Variants in SPTBN5 observed in about 807,000 individuals in gnomAD.
SPTBN5 encodes the protein spectrin beta, non-erythrocytic 5.
A neutral mutation model predicts 477.6 loss-of-function variants in SPTBN5; 513 were observed. The observed-to-expected ratio is 1.07, with a 90% CI of 1.00 to 1.16. The LOEUF (loss-of-function observed/expected upper bound fraction) is 1.16. Ranked by LOEUF, SPTBN5 falls within the 50% of genes most tolerant of loss-of-function variation. The pLI, the probability that SPTBN5 is intolerant of heterozygous loss-of-function variation, is 0.00. For missense variants in SPTBN5, 5,062 were observed against 4,731.8 expected (o/e 1.07, Z -2.05); for synonymous variants, 2,169 against 2,011.7 (o/e 1.08, Z -2.09).
At position 41,860,674 on chromosome 15, in the gene SPTBN5, C is replaced by A; in HGVS notation, c.7900G>T (p.Ala2634Ser). The change falls in exon 47 of 68, where the codon GCT becomes TCT. Residue 2634 changes from alanine (A) to serine (S), a missense_variant. By Grantham distance (99) the Ala-to-Ser change is moderately conservative. Transcript: ENST00000320955. ...DLEVQAGKIS[A>S]LEATARGLHQ... Reference sequence around the variant, plus strand: ...AGGCCGCGGGCCGTGGCCTCCAGAGCACTGATCTTTCCCGCCTGCACCTCC... The same window carrying A: ...AGGCCGCGGGCCGTGGCCTCCAGAGAACTGATCTTTCCCGCCTGCACCTCC... 6.3e-7 allele frequency: 1 copy of A among 1,583,612 alleles called. No homozygotes were observed. The highest frequency in any genetic ancestry group is 8.6e-7 in the Non-Finnish European group (1 of 1,165,452).
chr15:41,866,817 T>C (rs1484215295), intron 36 of SPTBN5, 142 bp downstream of exon 36: 5 of 1,142,540 alleles, frequency 4.4e-6, no homozygotes, highest in Non-Finnish European at 6.0e-6. Flanking sequence ...TTAGATCCCA[T>C]GTTCTGGGCT....
chr15:41,882,010 G>T lies in SPTBN5; in HGVS notation c.2383C>A (p.Arg795Ser), dbSNP rs1337017785. ...CGCCGCAGCTCGGCCGCGAAGGCGC[G>T]CAGGACGCGCTCCAGCCGCACGTGG... is the stretch of plus-strand genomic sequence containing the variant. ...RRHVRLERVLRAFAAELRRLE... is the reference protein window; with the variant it reads ...RRHVRLERVLSAFAAELRRLE... The change falls in exon 12 of 68, where the codon CGC becomes AGC. Residue 795 changes from arginine to serine, a missense_variant. Physicochemically the swap from Arg to Ser is moderately radical, Grantham distance 110 (BLOSUM62 -1). Coordinates refer to ENST00000320955, the MANE Select transcript of SPTBN5 (RefSeq NM_016642.4). The T allele has an allele frequency of 6.5e-7, 1 of 1,537,108 alleles. No homozygotes were observed. Among genetic ancestry groups the T allele is most frequent in the Admixed American group, 1.9e-5 (1 of 52,076 alleles).
rs1368032553 is a variant in SPTBN5 at position 41,876,922 on chromosome 15, C to G, written c.3738G>C (p.Leu1246=). The part of the protein sequence containing the change: ...LGEDVREALS[L]LQQHREFGRL... ...GCCCAAACTCCCGGTGCTGCTGCAG[C>G]AGGCTCAGGGCCTCCCTCACGTCCT... is the stretch of plus-strand genomic sequence containing the variant. Residue 1246 remains leucine (L), a synonymous_variant, in exon 19 of 68, where the codon CTG becomes CTC. Transcript: ENST00000320955. 1 of 1,609,690 alleles carries G rather than the reference C, an allele frequency of 6.2e-7. No homozygotes were observed. Among genetic ancestry groups the G allele is most frequent in the Non-Finnish European group, 8.5e-7 (1 of 1,179,308 alleles).
In SPTBN5 at chr15:41,855,300, A is replaced by G. The variant is rs1262856424; in HGVS notation, c.9347T>C (p.Leu3116Pro). 4 of 1,611,652 alleles carry G rather than the reference A, an allele frequency of 2.5e-6. No homozygotes were observed. The change falls in exon 55 of 68, where the codon CTC becomes CCC. Residue 3116 changes from leucine to proline, a missense_variant. Transcript: ENST00000320955. Reference sequence around the variant, plus strand: ...CTTGGTGGTCAGCCAGGCGTCGAGGAGCAGGGTCTCTCGCTCCAGCTGGTG... The same window carrying G: ...CTTGGTGGTCAGCCAGGCGTCGAGGGGCAGGGTCTCTCGCTCCAGCTGGTG... ...QLHQLERETL[L>P]LDAWLTTKAA...
In SPTBN5 at chr15:41,886,002, A is replaced by G; in HGVS notation, c.1253T>C (p.Leu418Pro). Residue 418 changes from leucine to proline, a missense_variant, in exon 7 of 68, where the codon CTA becomes CCA. Leu to Pro is a moderately conservative substitution (Grantham distance 98, BLOSUM62 -3). Transcript: ENST00000320955. ...AARSQALQQR[L>P]LQLQRLETLA... is the part of the protein sequence containing the mutation. ...GGTTTCTAGCCGCTGCAGCTGCAGT[A>G]GCCTCTGCTGCAGGGCCTGGCTCCT... 6.4e-7 allele frequency: 1 copy of G among 1,551,822 alleles called. No individual in the cohort carries two copies. Among genetic ancestry groups the G allele is most frequent in the Non-Finnish European group, 8.7e-7 (1 of 1,149,876 alleles).
Position 41,868,181 on chromosome 15 carries a change from T to C in SPTBN5, c.6095A>G (p.Asp2032Gly). 25 of 1,583,186 alleles carry C rather than the reference T, an allele frequency of 1.6e-5. No individual in the cohort carries two copies. Among genetic ancestry groups the C allele is most frequent in the Non-Finnish European group, 2.1e-5 (25 of 1,164,966 alleles). Residue 2032 changes from aspartate (D) to glycine (G), a missense_variant, in exon 34 of 68, where the codon GAC becomes GGC. Transcript: ENST00000320955. ...EELRALQDQR[D>G]QVYQTWARKQ... ...CCGTGCCCAGGTCTGATACACCTGGTCCCGCTGGTCCTGCAGGGCTCGAAG... is the reference window on the plus strand; with the variant it reads ...CCGTGCCCAGGTCTGATACACCTGGCCCCGCTGGTCCTGCAGGGCTCGAAG...
Position 41,861,447 on chromosome 15 carries a change from T to C in SPTBN5, c.7787A>G (p.Glu2596Gly). The change falls in exon 46 of 68, where the codon GAA (glutamate) becomes GGA (glycine). Residue 2596 changes from glutamate to glycine, a missense_variant. By Grantham distance (98) the Glu-to-Gly change is moderately conservative (BLOSUM62 -2). Coordinates refer to ENST00000320955, the MANE Select transcript of SPTBN5 (RefSeq NM_016642.4). ...EKMERWLCSK[E>G]DSLASEGLWD... ...TAGACCCTCACTGGCTAGGGAGTCTTCCTTGCTGCAAAGCCAACGTTCCAT... is the reference window on the plus strand; with the variant it reads ...TAGACCCTCACTGGCTAGGGAGTCTCCCTTGCTGCAAAGCCAACGTTCCAT... 1 of 1,613,654 alleles carries C rather than the reference T, an allele frequency of 6.2e-7. No individual in the cohort carries two copies. The highest frequency in any genetic ancestry group is 1.3e-5 in the African/African-American group (1 of 75,052).
rs776026055 is a variant in SPTBN5 at position 41,881,895 on chromosome 15, A to G, written c.2457+41T>C. Reference sequence around the variant, plus strand: ...CCTCTGTGTGGCCCAGCCGCGGTGGAGCAAGGGAGACCAGGCGCCCTTCCC... The same window carrying G: ...CCTCTGTGTGGCCCAGCCGCGGTGGGGCAAGGGAGACCAGGCGCCCTTCCC... On this transcript the variant is annotated intron_variant, in intron 12 of 67. Transcript: ENST00000320955. 2.0e-5 allele frequency: 30 copies of G among 1,494,348 alleles called. No individual in the cohort carries two copies. In the Middle Eastern group the frequency reaches 7.0e-4, roughly 35 times the overall value. The allele number at this position is 1,494,348 out of a possible 1,614,324, so 92.6% of individuals were successfully genotyped here.
chr15:41,888,302 T>G (rs1323721676), intron 4 of SPTBN5, among the ~76,000 whole-genome samples: 1 of 152,152 alleles, frequency 6.6e-6, no homozygotes, highest in African/African-American at 2.4e-5. Context: ...TCCAAAGAAG[T>G]GGAGCAAGGG....
In SPTBN5 at chr15:41,879,374, A is replaced by C; in HGVS notation, c.3068T>G (p.Leu1023Arg). ...TGAGCTCCCTGGCTGCAGGGCCTCC[A>C]GCTGGAGGAGCACGTCTCGCAGCTG... is the stretch of plus-strand genomic sequence containing the variant. ...QVQLRDVLLQ[L>R]EALQPGSSED... Residue 1023 changes from leucine to arginine, a missense_variant, in exon 16 of 68, where the codon CTG (leucine) becomes CGG (arginine). Physicochemically the swap from Leu to Arg is moderately radical, Grantham distance 102 (BLOSUM62 -2). Transcript: ENST00000320955. 6.2e-7 allele frequency: 1 copy of C among 1,610,422 alleles called. No homozygotes were observed. Among genetic ancestry groups the C allele is most frequent in the East Asian group, 2.2e-5 (1 of 44,882 alleles).
Position 41,855,656 on chromosome 15 carries a change from A to G in SPTBN5, c.9111T>C (p.Leu3037=), listed in dbSNP as rs748087567. 2 of 1,608,208 alleles carry G rather than the reference A, an allele frequency of 1.2e-6. No individual in the cohort carries two copies. Among genetic ancestry groups the G allele is most frequent in the East Asian group, 2.2e-5 (1 of 44,786 alleles). Residue 3037 remains leucine (L), a synonymous_variant, in exon 54 of 68, where the codon CTT becomes CTC. Transcript: ENST00000320955. ...MGHSAEATQA[L]LRRLEATKRD... ...TCTTGGTGGCCTCCAGCCGCCGCAG[A>G]AGGGCCTGTGTGGCTTCAGCACTGT...
Position 41,880,322 on chromosome 15 carries a change from G to GGT in SPTBN5, c.2659-12_2659-11dup. On this transcript the variant is annotated splice_polypyrimidine_tract_variant and intron_variant, in intron 13 of 67. Coordinates refer to ENST00000320955, the MANE Select transcript of SPTBN5 (RefSeq NM_016642.4). ...ACCGGGCCCTGCGGAGCTGGGGAGA[G>GGT]GTGGCCCAAGGCTGGGGTGAGGGTC... 6.3e-7 allele frequency: 1 copy of GGT among 1,591,776 alleles called. No homozygotes were observed. Among genetic ancestry groups the GGT allele is most frequent in the South Asian group, 1.2e-5 (1 of 86,952 alleles).
At chr15:41,888,703 T>C (rs1199476630) in intron 4 of SPTBN5, among the ~76,000 whole-genome samples, 1 of 152,240 alleles carries the variant, frequency 6.6e-6, no homozygotes, top group Non-Finnish European at 1.5e-5. Flanking sequence ...TTAAATAATC[T>C]GCCTGCCTTG....
intron 21 of SPTBN5, 84 bp downstream of exon 21, chr15:41,876,030 A>G (rs1012994133): frequency 2.0e-6 from 3 of 1,494,028 alleles, no homozygotes; most frequent in South Asian, 1.2e-5. Flanking sequence ...TCCTTCAAAG[A>G]CTCTTCCATG....
intron 61 of SPTBN5, 39 bp from the exon 62 acceptor site, chr15:41,852,355 A>G (rs2065793208): frequency 3.3e-6 from 5 of 1,523,508 alleles, no homozygotes; most frequent in Non-Finnish European, 4.4e-6. Context: ...GAGCCAGGTC[A>G]GGGAGACCAG....
chr15:41,874,695 T>A, intron 23 of SPTBN5, 147 bp downstream of exon 23: 1 of 922,256 alleles, frequency 1.1e-6, no homozygotes, highest in Non-Finnish European at 1.6e-6. Context: ...TAAGGAAGCA[T>A]AATGGGGTCT....
At chr15:41,850,445 C>A in intron 66 of SPTBN5, 1 of 233,444 alleles carries the variant, frequency 4.3e-6, no homozygotes, top group Non-Finnish European at 8.4e-6. Flanking sequence ...CAAAACAACT[C>A]AAGGGTGGTG....
chr15:41,872,682 C>G (rs1293541193), intron 26 of SPTBN5, among the ~76,000 whole-genome samples: 2 of 152,212 alleles, frequency 1.3e-5, no homozygotes, highest in African/African-American at 4.8e-5. Flanking sequence ...TCTGTGCCCA[C>G]TGAGGGCTCA....
Position 41,885,955 on chromosome 15 carries a change from T to C in SPTBN5, c.1300A>G (p.Lys434Glu), listed in dbSNP as rs772777698. The C allele has an allele frequency of 3.8e-6, 6 of 1,564,984 alleles. No homozygotes were observed. Among genetic ancestry groups the C allele is most frequent in the Middle Eastern group, 3.4e-4 (2 of 5,908 alleles). Residue 434 changes from lysine (K) to glutamate (E), a missense_variant, in exon 7 of 68, where the codon AAG becomes GAG. By Grantham distance (56) the Lys-to-Glu change is moderately conservative (BLOSUM62 1). Transcript: ENST00000320955. ...LETLARRFQH[K>E]AALRESFLKD... The stretch of plus-strand genomic sequence containing the variant: ...AGGAAACTCTCCCGGAGGGCTGCCT[T>C]GTGCTGGAAGCGCCGGGCCAGGGTT...
Sources: gnomAD v4.1 joint callset for allele counts (sites outside exome capture counted in the v4.1 genomes callset) on GRCh38, gnomAD v4.1.1 for gene constraint, MANE v1.5 for transcripts, NCBI Gene and HGNC (gene_info 2026-07-23, HGNC 2026-07-21) for gene names.